The following CREBBP variants were observed in gnomAD, a reference collection of about 807,000 sequenced individuals.
CREBBP encodes CREB-binding protein.
Under a neutral mutation model 265.0 loss-of-function variants are expected in CREBBP, and 19 were observed. The observed-to-expected ratio is 0.07, with a 90% CI of 0.05 to 0.11. The LOEUF (loss-of-function observed/expected upper bound fraction) is 0.11, where lower values mean the gene tolerates loss of function less well. Among genes scored for constraint, CREBBP ranks in the 10% least tolerant of loss-of-function variants. CREBBP has a pLI of 1.00. For missense variants in CREBBP, 2,525 were observed against 3,219.0 expected (o/e 0.78, Z 5.22); for synonymous variants, 1,457 against 1,223.7 (o/e 1.19, Z -3.98).
chr16:3,809,566 C>T (rs1218435159), intron 3 of CREBBP, among the ~76,000 whole-genome samples: 2 of 152,128 alleles, frequency 1.3e-5, no homozygotes, highest in African/African-American at 4.8e-5. Flanking sequence ...TTTTATCAAA[C>T]AAGTAAATAA....
intron 17 of CREBBP, among the ~76,000 whole-genome samples, chr16:3,758,644 C>A (rs957446261): frequency 6.6e-6 from 1 of 152,142 alleles, no homozygotes; most frequent in African/African-American, 2.4e-5. Context: ...TTCAGTGCAC[C>A]CCTCCTCCAA....
chr16:3,865,700 G>A (rs574234854), intron 1 of CREBBP, among the ~76,000 whole-genome samples: 1 of 151,620 alleles, frequency 6.6e-6, no homozygotes, highest in East Asian at 1.9e-4. Context: ...ATGTAGTGGC[G>A]CGACCTCAGC....
At chr16:3,744,039 GCAC>G (rs2052281065) in intron 23 of CREBBP, among the ~76,000 whole-genome samples, 1 of 151,822 alleles carries the variant, frequency 6.6e-6, no homozygotes, top group South Asian at 2.1e-4. Context: ...TTGCACCACT[GCAC>G]TCCAGCCTGG....
chr16:3,784,641 T>C (rs531104135), intron 5 of CREBBP: 96 of 152,362 alleles, frequency 6.3e-4, no homozygotes, highest in African/African-American at 2.2e-3. Flanking sequence ...TTAACACACA[T>C]GGTGATGGAC....
chr16:3,837,671 AG>A (rs1200472215), intron 2 of CREBBP, among the ~76,000 whole-genome samples: 4 of 151,178 alleles, frequency 2.6e-5, no homozygotes, highest in African/African-American at 9.7e-5. Flanking sequence ...AAATAGAAAA[AG>A]CTTATAGAAT....
chr16:3,807,332 G>C (rs1046933714), intron 3 of CREBBP, among the ~76,000 whole-genome samples: 2 of 152,122 alleles, frequency 1.3e-5, no homozygotes, highest in African/African-American at 2.4e-5. Context: ...TTTGGCACTG[G>C]AGTCCTGACT....
At chr16:3,762,002 G>C (rs2052730814) in intron 16 of CREBBP, among the ~76,000 whole-genome samples, 2 of 152,152 alleles carry the variant, frequency 1.3e-5, no homozygotes, top group African/African-American at 4.8e-5. Flanking sequence ...TTAATGTTTG[G>C]CAGAAGAAAA....
intron 1 of CREBBP, among the ~76,000 whole-genome samples, chr16:3,853,618 T>A (rs1016516774): frequency 2.8e-5 from 4 of 144,528 alleles, no homozygotes; most frequent in Non-Finnish European, 4.5e-5. Context: ...TGAGACTCCA[T>A]CTCAAAAAAA....
intron 2 of CREBBP, among the ~76,000 whole-genome samples, chr16:3,833,566 C>T (rs1045827382): frequency 1.8e-4 from 27 of 152,168 alleles, no homozygotes; most frequent in Admixed American, 1.7e-3. Flanking sequence ...TCTAAGACAT[C>T]TTATAGAATT....
chr16:3,740,153 T>C lies in CREBBP; in HGVS notation c.4133+246A>G, dbSNP rs111759705. ...TTAACAAGAATAAGTAATAATAAAA[T>C]AAGAAAATTATAAACAGTATACTAT... On this transcript the variant is annotated intron_variant, in intron 24 of 30. Coordinates refer to ENST00000262367, the MANE Select transcript of CREBBP (RefSeq NM_004380.3). Among the ~76,000 whole-genome samples, 2,805 of 152,236 alleles carry C rather than the reference T, an allele frequency of 0.018. 59 individuals carry two copies. Among genetic ancestry groups the C allele is most frequent in the African/African-American group, 0.039 (1,633 of 41,524 alleles).
intron 27 of CREBBP, 46 bp from the exon 28 acceptor site, chr16:3,736,249 G>GC (rs748129414): frequency 7.5e-6 from 12 of 1,592,322 alleles, no homozygotes; most frequent in South Asian, 1.1e-5. Flanking sequence ...ATGCACGCGT[G>GC]CCCCCCACCA....
At chr16:3,797,948 T>C (rs372247299) in intron 3 of CREBBP, among the ~76,000 whole-genome samples, 1 of 152,238 alleles carries the variant, frequency 6.6e-6, no homozygotes, top group East Asian at 1.9e-4. Context: ...ATGCAAATGC[T>C]CTCAGGAAAG....
chr16:3,735,648 G>A (rs888505278), intron 28 of CREBBP, among the ~76,000 whole-genome samples: 4 of 152,248 alleles, frequency 2.6e-5, no homozygotes, highest in East Asian at 1.9e-4. Flanking sequence ...CAGGGGCAGC[G>A]CCAAGGAGAG....
rs55702701 is a variant in CREBBP, at chr16:3,757,756, T to C, written c.3609+53A>G. 2,731 of 1,608,400 alleles carry C rather than the reference T, an allele frequency of 1.7e-3. 6 individuals are homozygous for C. Among genetic ancestry groups the C allele is most frequent in the Non-Finnish European group, 2.2e-3 (2,539 of 1,179,736 alleles). On this transcript the variant is annotated intron_variant, in intron 18 of 30. Coordinates refer to ENST00000262367, the MANE Select transcript of CREBBP (RefSeq NM_004380.3). ...TGGTCTCATATTAGTATAACACCCC[T>C]CTGGCTGGATTAACCAGGAAAATTC...
At chr16:3,851,201 T>C (rs533849727) in intron 1 of CREBBP, among the ~76,000 whole-genome samples, 192 bp from the exon 2 acceptor site, 3 of 143,630 alleles carry the variant, frequency 2.1e-5, no homozygotes, top group African/African-American at 2.6e-5. Flanking sequence ...GGCAGGAGAA[T>C]AGCTTGAACC....
At chr16:3,839,429 C>A (rs2054521032) in intron 2 of CREBBP, among the ~76,000 whole-genome samples, 1 of 151,826 alleles carries the variant, frequency 6.6e-6, no homozygotes, top group Admixed American at 6.6e-5. Context: ...GTCTGTAATC[C>A]CAGCACTTTG....
rs1453142862 is a variant in CREBBP, at chr16:3,729,046, T to G, written c.6001A>C (p.Asn2001His). Residue 2001 changes from asparagine (N) to histidine (H), a missense_variant, in exon 31 of 31, where the codon AAT (asparagine) becomes CAT (histidine). Coordinates refer to ENST00000262367, the MANE Select transcript of CREBBP (RefSeq NM_004380.3). Reference sequence around the variant, plus strand: ...CTCACCTGGTTGGGTCGGGGCACATTCAGGCTCACGGGGGCCATCTGGCTC... The same window carrying G: ...CTCACCTGGTTGGGTCGGGGCACATGCAGGCTCACGGGGGCCATCTGGCTC... ...PGSQMAPVSL[N>H]VPRPNQVSGP... is the part of the protein sequence containing the mutation. The G allele has an allele frequency of 5.0e-6, 8 of 1,587,330 alleles. No individual in the cohort carries two copies. Among genetic ancestry groups the G allele is most frequent in the Non-Finnish European group, 6.8e-6 (8 of 1,172,398 alleles).
Position 3,758,060 on chromosome 16 carries a change from A to C in CREBBP, c.3370-12T>G. 6.2e-7 allele frequency: 1 copy of C among 1,613,530 alleles called. No individual in the cohort carries two copies. The highest frequency in any genetic ancestry group is 8.5e-7 in the Non-Finnish European group (1 of 1,179,968). On this transcript the variant is annotated splice_polypyrimidine_tract_variant and intron_variant, in intron 17 of 30. Coordinates refer to ENST00000262367, the MANE Select transcript of CREBBP (RefSeq NM_004380.3). ...ATGTCAAAATAGTCCTTAAAAAAAA[A>C]AAAATGGTCTCAGTATAGGGAATCC... is the stretch of plus-strand genomic sequence containing the variant.
chr16:3,753,574 T>G (rs1008986715), intron 19 of CREBBP, among the ~76,000 whole-genome samples: 14 of 152,160 alleles, frequency 9.2e-5, no homozygotes, highest in Non-Finnish European at 1.6e-4. Context: ...TTTCCCTGAA[T>G]GAACTATAGC....
Sources: allele counts gnomAD v4.1 joint callset (sites outside exome capture counted in the v4.1 genomes callset), GRCh38; gene constraint gnomAD v4.1.1; transcripts MANE v1.5; gene names NCBI Gene and HGNC (gene_info 2026-07-23, HGNC 2026-07-21).